Variants in FHIP2A observed in about 807,000 individuals in gnomAD.
FHIP2A encodes the protein family with sequence similarity 160 member B1.
A neutral mutation model predicts 93.5 loss-of-function variants in FHIP2A; 46 were observed. The ratio of observed to expected loss-of-function variants is 0.49; its 90% confidence interval spans 0.39 to 0.63. FHIP2A has a LOEUF of 0.63. FHIP2A is among the 20% of genes least tolerant of loss of function. The pLI is 0.00. For missense variants in FHIP2A, 769 were observed against 909.7 expected, an observed-to-expected ratio of 0.85 and a Z score of 1.99; for synonymous variants, 332 against 326.5, an observed-to-expected ratio of 1.02 and a Z score of -0.18.
In FHIP2A at chr10:114,834,068, G is replaced by A. The variant is rs183837659; in HGVS notation, c.294+666G>A. On this transcript the variant is annotated intron_variant, in intron 3 of 16. Coordinates refer to ENST00000369248, the MANE Select transcript of FHIP2A (RefSeq NM_020940.4). ...TAAAATCCAGGAAGTGTTTGCTAAG[G>A]GGCCTCCCCAGCCCTAAAAGTCTAT... Among the ~76,000 whole-genome samples the A allele has an allele frequency of 7.6e-3, 1,147 of 151,702 alleles. 11 individuals carry two copies. The highest frequency in any genetic ancestry group is 0.026 in the African/African-American group (1,061 of 41,474).
At chr10:114,841,222 C>A (rs929393959) in intron 5 of FHIP2A, among the ~76,000 whole-genome samples, 2 of 151,940 alleles carry the variant, frequency 1.3e-5, no homozygotes, top group African/African-American at 4.8e-5. Context: ...GACGCCTCTC[C>A]CAACAATATT....
chr10:114,882,830 G>A (rs549077286), intron 16 of FHIP2A, among the ~76,000 whole-genome samples: 2 of 151,544 alleles, frequency 1.3e-5, no homozygotes, highest in East Asian at 1.9e-4. Flanking sequence ...AGCCAAGATC[G>A]TGCCACTGCA....
chr10:114,839,197 G>A (rs1224640493), intron 5 of FHIP2A, among the ~76,000 whole-genome samples: 2 of 151,952 alleles, frequency 1.3e-5, no homozygotes, highest in East Asian at 1.9e-4. Flanking sequence ...GTGCAATCTC[G>A]GCTCACTGCA....
intron 16 of FHIP2A, among the ~76,000 whole-genome samples, chr10:114,878,134 T>A (rs1256260732): frequency 1.3e-5 from 2 of 152,244 alleles, no homozygotes; most frequent in Non-Finnish European, 2.9e-5. Context: ...TTCTAATCTG[T>A]GAGGTCTACA....
At chr10:114,851,129 A>G (rs12415173) in intron 13 of FHIP2A, among the ~76,000 whole-genome samples, 62,178 of 151,882 alleles carry the variant, frequency 0.41, 13,328 homozygotes, top group Non-Finnish European at 0.48. Context: ...GCCTAGGCTG[A>G]TCTTGAACTC....
chr10:114,825,600 C>G (rs1378699580), intron 1 of FHIP2A, among the ~76,000 whole-genome samples: 1 of 152,144 alleles, frequency 6.6e-6, no homozygotes, highest in Non-Finnish European at 1.5e-5. Flanking sequence ...AAATGACAGT[C>G]TTCTCTCAGT....
downstream of FHIP2A, chr10:114,864,744 T>A: frequency 1.0e-6 from 1 of 962,140 alleles, no homozygotes; most frequent in Non-Finnish European, 1.2e-6. Context: ...AAAATTCTAA[T>A]TGGGAACATT....
At chr10:114,884,282 G>T (rs1377890714) in intron 16 of FHIP2A, among the ~76,000 whole-genome samples, 1 of 152,144 alleles carries the variant, frequency 6.6e-6, no homozygotes, top group Admixed American at 6.6e-5. Flanking sequence ...AAAAATCAAT[G>T]TTAACTATTA....
At chr10:114,861,365 A>G (rs1444143550) in intron 16 of FHIP2A, 31 bp downstream of exon 16, 2 of 1,613,416 alleles carry the variant, frequency 1.2e-6, no homozygotes, top group Admixed American at 1.7e-5. Context: ...TTTTTAATCC[A>G]AAAATTTCAG....
At chr10:114,875,577 T>C (rs533716392) in intron 16 of FHIP2A, among the ~76,000 whole-genome samples, 1 of 152,034 alleles carries the variant, frequency 6.6e-6, no homozygotes, top group African/African-American at 2.4e-5. Flanking sequence ...GTGCCTGTAT[T>C]CCCAGCTACT....
chr10:114,834,863 C>A (rs2083627839), intron 3 of FHIP2A, among the ~76,000 whole-genome samples: 1 of 152,012 alleles, frequency 6.6e-6, no homozygotes, highest in Admixed American at 6.6e-5. Context: ...TTTTTGCAAC[C>A]AAACATGGAT....
intron 2 of FHIP2A, among the ~76,000 whole-genome samples, chr10:114,832,017 C>T (rs1221396197): frequency 6.6e-6 from 1 of 152,060 alleles, no homozygotes. Flanking sequence ...ACATAGCATA[C>T]CAGAATTGTG....
chr10:114,830,177 G>A (rs1304722568), intron 1 of FHIP2A, among the ~76,000 whole-genome samples: 8 of 151,556 alleles, frequency 5.3e-5, no homozygotes, highest in African/African-American at 1.9e-4. Flanking sequence ...AAAGTCCTAG[G>A]TACAAAGATT....
intron 16 of FHIP2A, among the ~76,000 whole-genome samples, chr10:114,875,864 AG>A (rs2083884159): frequency 1.4e-5 from 2 of 142,232 alleles, no homozygotes; most frequent in Admixed American, 1.4e-4. Context: ...AAAGAAAGAA[AG>A]AAAGAGAAAG....
rs1262328053 is a variant in FHIP2A at position 114,861,577 on chromosome 10, T to A, written c.*37T>A. The A allele has an allele frequency of 2.0e-5, 32 of 1,603,244 alleles. No individual in the cohort carries two copies. The highest frequency in any genetic ancestry group is 2.7e-5 in the African/African-American group (2 of 74,598). On this transcript the variant is annotated 3_prime_UTR_variant, in exon 17 of 17. Transcript: ENST00000369248. Reference sequence around the variant, plus strand: ...CATGTAACTGGGGGAACAGAACTACTGTGTACATTTCACCAAAAAAGACTC... The same window carrying A: ...CATGTAACTGGGGGAACAGAACTACAGTGTACATTTCACCAAAAAAGACTC...
In FHIP2A at chr10:114,836,119, C is replaced by A; in HGVS notation, c.400-5C>A. The stretch of plus-strand genomic sequence containing the variant: ...TTAAAAAGTTAAAAACAATTGTTTT[C>A]ACAGAAATTAATTAGACTCTGTGGT... On this transcript the variant is annotated splice_polypyrimidine_tract_variant and splice_region_variant and intron_variant, in intron 4 of 16. Coordinates refer to ENST00000369248, the MANE Select transcript of FHIP2A (RefSeq NM_020940.4). 6.5e-7 allele frequency: 1 copy of A among 1,549,684 alleles called. No individual in the cohort carries two copies. The highest frequency in any genetic ancestry group is 8.8e-7 in the Non-Finnish European group (1 of 1,138,542).
In FHIP2A at chr10:114,864,479, T is replaced by G; in HGVS notation, c.*2939T>G. On this transcript the variant is annotated 3_prime_UTR_variant, in exon 17 of 17. Coordinates refer to ENST00000369248, the MANE Select transcript of FHIP2A (RefSeq NM_020940.4). ...GTAATACTCTGTTTTGCCTCCTGCC[T>G]TGTTTACATTAAACAGGATATTTGG... 13 of 985,852 alleles carry G rather than the reference T, an allele frequency of 1.3e-5. No individual in the cohort carries two copies. In the South Asian group the frequency reaches 6.1e-4, roughly 46 times the overall value. 61.1% of individuals were successfully genotyped at this position (985,852 alleles called of 1,614,324 possible).
chr10:114,833,279 A>G lies in FHIP2A; in HGVS notation c.171A>G (p.Glu57=), dbSNP rs770299323. ...ATACAAATATTCCATCGCATCTGGA[A>G]CAGATGTTAGATATACTGGTTCAAG... ...VTDTNIPSHL[E]QMLDILVQEE... Residue 57 remains glutamate (E), a synonymous_variant, in exon 3 of 17, where the codon GAA becomes GAG. Transcript: ENST00000369248. The G allele has an allele frequency of 1.9e-6, 3 of 1,613,080 alleles. No homozygotes were observed. Among genetic ancestry groups the G allele is most frequent in the Non-Finnish European group, 2.5e-6 (3 of 1,179,150 alleles).
intron 8 of FHIP2A, among the ~76,000 whole-genome samples, chr10:114,845,704 A>G (rs1354993381): frequency 6.6e-6 from 1 of 152,190 alleles, no homozygotes; most frequent in African/African-American, 2.4e-5. Flanking sequence ...CTTAAATATT[A>G]TGGTACAGTA....
Sources: allele counts gnomAD v4.1 joint callset (sites outside exome capture counted in the v4.1 genomes callset), GRCh38; gene constraint gnomAD v4.1.1; transcripts MANE v1.5; gene names NCBI Gene and HGNC (gene_info 2026-07-23, HGNC 2026-07-21).